Variants in RUNX1 observed in about 807,000 individuals in gnomAD.
The protein encoded by RUNX1 is runt-related transcription factor 1.
RUNX1 carries 19 observed loss-of-function variants against 42.8 expected under a neutral mutation model. The ratio of observed to expected loss-of-function variants is 0.44; its 90% CI spans 0.31 to 0.65. The LOEUF is 0.65. Ranked by LOEUF, RUNX1 falls within the 30% of genes least tolerant of loss-of-function variation. The pLI is 0.07. For synonymous variants in RUNX1, 271 were observed against 289.4 expected, an observed-to-expected ratio of 0.94 and a Z score of 0.64; for missense variants, 528 against 672.0, an observed-to-expected ratio of 0.79 and a Z score of 2.37.
intron 2 of RUNX1, among the ~76,000 whole-genome samples, chr21:35,037,358 G>T (rs149820850): frequency 6.6e-6 from 1 of 152,192 alleles, no homozygotes; most frequent in Non-Finnish European, 1.5e-5. Context: ...GGAGAAACAC[G>T]TGGGCAGGAG....
At position 34,792,990 on chromosome 21, in the gene RUNX1, G is replaced by A. The variant is rs908256749; in HGVS notation, c.968-380C>T. ...CAGGATGACACCACCTGGGAGGATG[G>A]AGACCACCCAGGATGCTACCGCCTA... is the stretch of plus-strand genomic sequence containing the variant. On this transcript the variant is annotated intron_variant, in intron 8 of 8. Transcript: ENST00000675419. This position sits in a 1 kb window ranked among gnomAD's most constrained non-coding sequence, Gnocchi z 6.9. 8.6e-5 allele frequency among the ~76,000 whole-genome samples: 13 copies of A among 150,978 alleles called. No individual in the cohort carries two copies. The South Asian group carries it at 2.7e-3, about 32-fold the overall frequency.
intron 3 of RUNX1, chr21:34,889,645 T>A: frequency 9.1e-7 from 1 of 1,104,702 alleles, no homozygotes; most frequent in Non-Finnish European, 1.1e-6. Flanking sequence ...CCCGCCCCCG[T>A]GCGCTCGAGC....
intron 2 of RUNX1, among the ~76,000 whole-genome samples, chr21:34,896,952 G>C (rs28690822): frequency 0.26 from 39,135 of 152,058 alleles, 5,606 homozygotes; most frequent in African/African-American, 0.37. Context: ...GAGGTAGCAG[G>C]AGGAGAGAAA....
At chr21:34,809,301 C>T (rs1390105640) in intron 7 of RUNX1, among the ~76,000 whole-genome samples, 2 of 152,036 alleles carry the variant, frequency 1.3e-5, no homozygotes, top group Admixed American at 6.6e-5. Context: ...GGCACCTTTG[C>T]CCCGCTTAGT....
At chr21:35,004,202 G>A (rs2059067196) in intron 2 of RUNX1, among the ~76,000 whole-genome samples, 1 of 152,198 alleles carries the variant, frequency 6.6e-6, no homozygotes, top group Non-Finnish European at 1.5e-5. Context: ...GACTACTTGT[G>A]TACACTTGGA....
At chr21:34,819,935 C>G (rs1017533418) in intron 7 of RUNX1, among the ~76,000 whole-genome samples, 1 of 152,276 alleles carries the variant, frequency 6.6e-6, no homozygotes, top group Non-Finnish European at 1.5e-5. Flanking sequence ...GGAATCGGCA[C>G]AGGATGGTAT....
At chr21:35,036,103 A>C (rs2059305667) in intron 2 of RUNX1, among the ~76,000 whole-genome samples, 1 of 152,126 alleles carries the variant, frequency 6.6e-6, no homozygotes, top group Non-Finnish European at 1.5e-5. Flanking sequence ...CAGGTGGGCC[A>C]CCGAGCCCTG....
intron 6 of RUNX1, among the ~76,000 whole-genome samples, chr21:34,852,412 T>G (rs2057435238): frequency 1.3e-5 from 2 of 152,172 alleles, no homozygotes; most frequent in African/African-American, 4.8e-5. Flanking sequence ...CAAGGAAGTC[T>G]GTATGCATGT....
chr21:34,845,336 T>TGGA (rs1297226280), intron 6 of RUNX1, among the ~76,000 whole-genome samples: 4 of 152,174 alleles, frequency 2.6e-5, no homozygotes, highest in Non-Finnish European at 5.9e-5. Context: ...GAGACAGGGA[T>TGGA]GGAGGGCAAG....
At chr21:34,851,336 G>A (rs1485565133) in intron 6 of RUNX1, among the ~76,000 whole-genome samples, 2 of 152,206 alleles carry the variant, frequency 1.3e-5, no homozygotes, top group Non-Finnish European at 2.9e-5. Context: ...TTACGGGAAC[G>A]AACTTACGGC....
chr21:35,016,976 C>A (rs1197225431), intron 2 of RUNX1, among the ~76,000 whole-genome samples: 1 of 151,480 alleles, frequency 6.6e-6, no homozygotes, highest in African/African-American at 2.4e-5. Context: ...AGAGTAAGGG[C>A]CCAAAGAGCA....
rs771614642 is a variant in RUNX1 at position 34,834,466 on chromosome 21, C to T, written c.749G>A (p.Arg250His). The change falls in exon 7 of 9, where the codon CGT becomes CAT. Residue 250 changes from arginine to histidine, a missense_variant. Arg to His is a conservative substitution (Grantham distance 29). This residue lies in a region of RUNX1 where 331 missense variants were observed against 382.5 expected (regional missense o/e 0.87). Transcript: ENST00000675419. ...PHHPAPTPNP[R>H]ASLNHSTAFN... ...GGCAGTGGAGTGGTTCAGGGAGGCA[C>T]GAGGGTTGGGCGTGGGGGCTGGGTG... The T allele has an allele frequency of 5.7e-5, 92 of 1,611,146 alleles. No homozygotes were observed. Among genetic ancestry groups the T allele is most frequent in the Non-Finnish European group, 6.5e-5 (77 of 1,178,422 alleles).
intron 2 of RUNX1, among the ~76,000 whole-genome samples, chr21:34,993,710 CACACACAGGCACACACACACAG>C (rs2058969007): frequency 7.4e-6 from 1 of 135,780 alleles, no homozygotes; most frequent in African/African-American, 3.6e-5. Context: ...CACACACAGA[CACACACAGGCACACACACACAG>C]ACACACAGAG....
At chr21:34,994,485 T>A (rs2058978018) in intron 2 of RUNX1, among the ~76,000 whole-genome samples, 1 of 152,116 alleles carries the variant, frequency 6.6e-6, no homozygotes, top group South Asian at 2.1e-4. Context: ...GATTATTGTA[T>A]ATTGCATGCC....
At chr21:34,828,737 T>C (rs2057024126) in intron 7 of RUNX1, among the ~76,000 whole-genome samples, 1 of 152,178 alleles carries the variant, frequency 6.6e-6, no homozygotes, top group South Asian at 2.1e-4. Flanking sequence ...TTAGTTATCA[T>C]GGAGGTGGCT....
In RUNX1 at chr21:34,788,751, T is replaced by A. The variant is rs2056399916; in HGVS notation, c.*3384A>T. The A allele has an allele frequency of 4.3e-6, 1 of 233,410 alleles. No homozygotes were observed. The highest frequency in any genetic ancestry group is 5.6e-5 in the Admixed American group (1 of 17,778). 14.5% of individuals were successfully genotyped at this position (233,410 alleles called of 1,614,324 possible). On this transcript the variant is annotated 3_prime_UTR_variant, in exon 9 of 9. Coordinates refer to ENST00000675419, the MANE Select transcript of RUNX1 (RefSeq NM_001754.5). ...AAACACACAAAAATCCCAAAACAAA[T>A]GTATACGCTACGGTAAACAAAAAGG...
intron 2 of RUNX1, among the ~76,000 whole-genome samples, chr21:34,930,289 T>TATATATATATATATAA (rs1555906453): frequency 5.9e-4 from 81 of 137,296 alleles, no homozygotes; most frequent in Middle Eastern, 3.6e-3. Flanking sequence ...TATATATATA[T>TATATATATATATATAA]ATAAATAAAT....
At chr21:35,004,659 C>A (rs1456595972) in intron 2 of RUNX1, among the ~76,000 whole-genome samples, 1 of 152,198 alleles carries the variant, frequency 6.6e-6, no homozygotes, top group African/African-American at 2.4e-5. Flanking sequence ...CAGGACCTTA[C>A]CTGATTCTAC....
chr21:35,037,283 G>A (rs1223790249), intron 2 of RUNX1, among the ~76,000 whole-genome samples: 1 of 152,176 alleles, frequency 6.6e-6, no homozygotes, highest in Admixed American at 6.5e-5. Flanking sequence ...GAGCACCCCT[G>A]GCTTAAAGGC....
Sources: gnomAD v4.1 joint callset for allele counts (sites outside exome capture counted in the v4.1 genomes callset) on GRCh38, gnomAD v4.1.1 for gene constraint, gnomAD v4.1.1 regional missense constraint, Gnocchi (gnomAD v3.1) non-coding constraint, MANE v1.5 for transcripts, NCBI Gene and HGNC (gene_info 2026-07-23, HGNC 2026-07-21) for gene names.